Variants in SYPL1 observed in about 807,000 individuals in gnomAD.
The protein encoded by SYPL1 is synaptophysin-like protein 1.
Under a neutral mutation model 23.7 loss-of-function variants are expected in SYPL1, and 6 were observed. The ratio of observed to expected loss-of-function variants is 0.25; its 90% CI spans 0.14 to 0.50. The LOEUF (loss-of-function observed/expected upper bound fraction) is 0.50. SYPL1 is among the 20% of genes least tolerant of loss of function. The pLI, the probability that SYPL1 is intolerant of heterozygous loss-of-function variation, is 0.98. For synonymous variants in SYPL1, 102 were observed against 104.5 expected (o/e 0.98, Z 0.15); for missense variants, 253 against 288.9 (o/e 0.88, Z 0.90).
chr7:106,099,310 A>G (rs1362806912), intron 1 of SYPL1, 28 bp from the exon 2 acceptor site: 4 of 1,589,726 alleles, frequency 2.5e-6, no homozygotes, highest in Non-Finnish European at 3.4e-6. Flanking sequence ...AAAAAAGACA[A>G]AAGAAAAAAA....
In SYPL1 at chr7:106,092,760, T is replaced by TGTATCAAGGTACATAAAAACCTGTAC. The variant is rs2116063280; in HGVS notation, c.591+188_591+189insGTACAGGTTTTTATGTACCTTGATAC. 2.2e-5 allele frequency: 13 copies of TGTATCAAGGTACATAAAAACCTGTAC among 603,438 alleles called. No homozygotes were observed. The Admixed American group carries it at 3.9e-4, about 18-fold the overall frequency. The allele number at this position is 603,438 out of a possible 1,614,324, so 37.4% of individuals were successfully genotyped here. A position where few individuals can be genotyped will look rare whatever the true frequency, so the allele number is the denominator to read the frequency against. On this transcript the variant is annotated intron_variant, in intron 4 of 4. Coordinates refer to ENST00000455385, the MANE Select transcript of SYPL1 (RefSeq NM_182715.4). ...GTCTCAGAGATGAATAAAATCATGA[T>TGTATCAAGGTACATAAAAACCTGTAC]CTTGGTTACAGGTAATACTTTTTTT...
chr7:106,111,979 C>G (rs1355913912), intron 1 of SYPL1, 161 bp downstream of exon 1: 2 of 951,598 alleles, frequency 2.1e-6, no homozygotes, highest in Non-Finnish European at 2.6e-6. Flanking sequence ...GCGGCCCAGG[C>G]CGCGGCCTCC....
Position 106,092,021 on chromosome 7 carries a change from T to G in SYPL1, c.592-82A>C, listed in dbSNP as rs1266724565. On this transcript the variant is annotated intron_variant, in intron 4 of 4. Coordinates refer to ENST00000455385, the MANE Select transcript of SYPL1 (RefSeq NM_182715.4). ...CCTACTTAAAAATCTCACTTTTTCT[T>G]TAAATATTTAACATTTTTAGGAAGT... 6.0e-6 allele frequency: 8 copies of G among 1,342,600 alleles called. No individual in the cohort carries two copies. In the East Asian group the frequency reaches 1.7e-4, roughly 29 times the overall value. The allele number at this position is 1,342,600 out of a possible 1,614,324, so 83.2% of individuals were successfully genotyped here. A position where few individuals can be genotyped will look rare whatever the true frequency, so the allele number is the denominator to read the frequency against.
rs191238160 is a variant in SYPL1, at chr7:106,108,068, G to A, written c.69+4072C>T. Among the ~76,000 whole-genome samples, 5 of 152,004 alleles carry A rather than the reference G, an allele frequency of 3.3e-5. No individual in the cohort carries two copies. The East Asian group carries it at 5.8e-4, about 18-fold the overall frequency. On this transcript the variant is annotated intron_variant, in intron 1 of 4. Coordinates refer to ENST00000455385, the MANE Select transcript of SYPL1 (RefSeq NM_182715.4). ...AACTTAGCTGGATGTAGTGGCGAGC[G>A]CCTGTAATCCCAGCTACTCGGGAGA...
At chr7:106,111,232 T>C (rs989536912) in intron 1 of SYPL1, among the ~76,000 whole-genome samples, 1 of 152,230 alleles carries the variant, frequency 6.6e-6, no homozygotes, top group Admixed American at 6.5e-5. Context: ...AAAGTTCTTA[T>C]TCTTCTTCAC....
At position 106,091,959 on chromosome 7, in the gene SYPL1, A is replaced by T; in HGVS notation, c.592-20T>A. On this transcript the variant is annotated intron_variant, in intron 4 of 4. Coordinates refer to ENST00000455385, the MANE Select transcript of SYPL1 (RefSeq NM_182715.4). This position sits in a 1 kb window ranked among gnomAD's most constrained non-coding sequence, Gnocchi z 5.0. Reference sequence around the variant, plus strand: ...AAATATCTATGAAAGAGAAAAAGAAATATGAAAATCAAATACCTACTTATA... The same window carrying T: ...AAATATCTATGAAAGAGAAAAAGAATTATGAAAATCAAATACCTACTTATA... The T allele has an allele frequency of 6.3e-7, 1 of 1,585,494 alleles. No individual in the cohort carries two copies. The highest frequency in any genetic ancestry group is 8.5e-7 in the Non-Finnish European group (1 of 1,171,246).
chr7:106,101,987 T>C (rs896253774), intron 1 of SYPL1, among the ~76,000 whole-genome samples: 2 of 152,294 alleles, frequency 1.3e-5, no homozygotes, highest in African/African-American at 4.8e-5. Flanking sequence ...CTGATTTCCC[T>C]TCCCTTGAGT....
chr7:106,109,060 C>T lies in SYPL1; in HGVS notation c.69+3080G>A, dbSNP rs1585944975. On this transcript the variant is annotated intron_variant, in intron 1 of 4. Transcript: ENST00000455385. This position sits in a 1 kb window ranked among gnomAD's most constrained non-coding sequence, Gnocchi z 4.3. ...CCAAAAACAAAAAAGAACAAAAAAC[C>T]CCCACCAGTTTTACTTAAGAATGTC... Among the ~76,000 whole-genome samples the T allele has an allele frequency of 6.6e-6, 1 of 152,260 alleles. No homozygotes were observed. The highest frequency in any genetic ancestry group is 6.5e-5 in the Admixed American group (1 of 15,292).
rs1840116167 is a variant in SYPL1, at chr7:106,097,990, C to T, written c.195-93G>A. ...GAGTGACACTTCAAAAAATACTCCC[C>T]AAATATATTAAAAACATTCCTTTGG... On this transcript the variant is annotated intron_variant, in intron 2 of 4. Coordinates refer to ENST00000455385, the MANE Select transcript of SYPL1 (RefSeq NM_182715.4). The surrounding 1 kb of genome is among the most constrained non-coding windows in gnomAD (Gnocchi z 4.6). 5.0e-6 allele frequency: 5 copies of T among 1,007,690 alleles called. No homozygotes were observed. Among genetic ancestry groups the T allele is most frequent in the African/African-American group, 3.3e-5 (2 of 61,420 alleles). 62.4% of individuals were successfully genotyped at this position (1,007,690 alleles called of 1,614,324 possible).
chr7:106,099,035 C>A, intron 2 of SYPL1, 123 bp downstream of exon 2: 12 of 1,237,302 alleles, frequency 9.7e-6, no homozygotes, highest in Non-Finnish European at 1.4e-5. Flanking sequence ...GTAATGATCA[C>A]TTACAAATGA....
rs1180891387 is a variant in SYPL1, at chr7:106,090,625, A to ACAAT, written c.*1176_*1179dup. On this transcript the variant is annotated 3_prime_UTR_variant, in exon 5 of 5. Transcript: ENST00000455385. ...ACAGCAAGATGTGCTTCACATATAA[A>ACAAT]CAATCATGTTGTAAGAATAAGAAAC... 6.5e-6 allele frequency: 1 copy of ACAAT among 152,682 alleles called. No individual in the cohort carries two copies. Among genetic ancestry groups the ACAAT allele is most frequent in the Non-Finnish European group, 1.5e-5 (1 of 68,042 alleles). 9.5% of individuals were successfully genotyped at this position (152,682 alleles called of 1,614,324 possible).
At chr7:106,111,578 A>C (rs1443982476) in intron 1 of SYPL1, among the ~76,000 whole-genome samples, 2 of 152,200 alleles carry the variant, frequency 1.3e-5, no homozygotes, top group Non-Finnish European at 2.9e-5. Flanking sequence ...TGTTAAAAGG[A>C]CTTTCTTTAG....
intron 1 of SYPL1, among the ~76,000 whole-genome samples, chr7:106,106,400 A>T (rs914312122): frequency 3.3e-5 from 5 of 151,980 alleles, no homozygotes; most frequent in African/African-American, 1.2e-4. Context: ...ATATCAAAAA[A>T]AATTAGCTGG....
rs1018755652 is a variant in SYPL1, at chr7:106,101,900, C to G, written c.70-2618G>C. The stretch of plus-strand genomic sequence containing the variant: ...TATCTAACAGAGTTGATTTGTAGAT[C>G]ACGGAGGAAAGGAATGTGGTGGTTT... On this transcript the variant is annotated intron_variant, in intron 1 of 4. Transcript: ENST00000455385. 4.0e-5 allele frequency among the ~76,000 whole-genome samples: 6 copies of G among 151,802 alleles called. No individual in the cohort carries two copies. The East Asian group carries it at 1.2e-3, about 29-fold the overall frequency.
chr7:106,102,483 C>T (rs954345703), intron 1 of SYPL1, among the ~76,000 whole-genome samples: 13 of 152,204 alleles, frequency 8.5e-5, no homozygotes, highest in African/African-American at 3.1e-4. Flanking sequence ...GGAGGATACT[C>T]AGGCAACTTT....
chr7:106,102,432 C>T (rs1196395704), intron 1 of SYPL1, among the ~76,000 whole-genome samples: 1 of 152,136 alleles, frequency 6.6e-6, no homozygotes, highest in Non-Finnish European at 1.5e-5. Context: ...CTCACTCTCT[C>T]GAACTTTCTC....
Position 106,096,748 on chromosome 7 carries a change from T to C in SYPL1, c.402+942A>G, listed in dbSNP as rs1403728426. Among the ~76,000 whole-genome samples the C allele has an allele frequency of 6.6e-6, 1 of 152,224 alleles. No individual in the cohort carries two copies. The highest frequency in any genetic ancestry group is 1.5e-5 in the Non-Finnish European group (1 of 68,030). ...AGAATTACCTGGGTCTGATTTTAAATTAAGGAGTTTAGGGACATAGACCAG... is the reference window on the plus strand; with the variant it reads ...AGAATTACCTGGGTCTGATTTTAAACTAAGGAGTTTAGGGACATAGACCAG... On this transcript the variant is annotated intron_variant, in intron 3 of 4. Transcript: ENST00000455385. This position sits in a 1 kb window ranked among gnomAD's most constrained non-coding sequence, Gnocchi z 4.4.
Position 106,110,006 on chromosome 7 carries a change from C to T in SYPL1, c.69+2134G>A, listed in dbSNP as rs117420685. Among the ~76,000 whole-genome samples, 242 of 152,202 alleles carry T rather than the reference C, an allele frequency of 1.6e-3. 1 individual carries two copies. The highest frequency in any genetic ancestry group is 3.5e-3 in the Admixed American group (53 of 15,292). ...GGAATTATGAGTGCCTAAAATTAGTCGTATCATTGACTTGTTTAAAGCCTT... is the reference window on the plus strand; with the variant it reads ...GGAATTATGAGTGCCTAAAATTAGTTGTATCATTGACTTGTTTAAAGCCTT... On this transcript the variant is annotated intron_variant, in intron 1 of 4. Transcript: ENST00000455385.
In SYPL1 at chr7:106,110,389, G is replaced by C. The variant is rs190528976; in HGVS notation, c.69+1751C>G. ...ATGAAGTCCTCCCTAGTTCCTCCAA[G>C]CAAATGCTCTCTCCCTCATTTCTTC... On this transcript the variant is annotated intron_variant, in intron 1 of 4. Transcript: ENST00000455385. Among the ~76,000 whole-genome samples the C allele has an allele frequency of 3.3e-5, 5 of 152,256 alleles. No homozygotes were observed. The East Asian group carries it at 9.6e-4, about 29-fold the overall frequency.
Sources: gnomAD v4.1 joint callset for allele counts (sites outside exome capture counted in the v4.1 genomes callset) on GRCh38, gnomAD v4.1.1 for gene constraint, Gnocchi (gnomAD v3.1) non-coding constraint, MANE v1.5 for transcripts, NCBI Gene and HGNC (gene_info 2026-07-23, HGNC 2026-07-21) for gene names.